The following KIAA0040 variants were observed in gnomAD, a reference collection of about 807,000 sequenced individuals.
KIAA0040 encodes uncharacterized protein KIAA0040.
Under a neutral mutation model 7.2 loss-of-function variants are expected in KIAA0040, and 10 were observed. The observed-to-expected ratio is 1.38, with a 90% CI of 0.85 to 2.34. The LOEUF is 2.34. KIAA0040 is among the 30% of genes most tolerant of loss of function. The probability of loss-of-function intolerance (pLI) is 0.00; values close to 1 mark genes in which losing one functional copy is unlikely to be tolerated. For missense variants in KIAA0040, 89 were observed against 108.2 expected (o/e 0.82, Z 0.79); for synonymous variants, 49 against 40.1 (o/e 1.22, Z -0.84).
chr1:175,173,190 T>C (rs1677053889), intron 2 of KIAA0040, among the ~76,000 whole-genome samples: 2 of 152,190 alleles, frequency 1.3e-5, no homozygotes. Context: ...TCCATCACTA[T>C]CAATTTTCTC....
intron 2 of KIAA0040, chr1:175,176,591 T>G (rs1283422091): frequency 1.3e-5 from 2 of 150,294 alleles, no homozygotes; most frequent in Non-Finnish European, 2.9e-5. Context: ...TAAATAATGG[T>G]TGATGAATGC....
chr1:175,183,725 C>A (rs1003141290), intron 1 of KIAA0040, among the ~76,000 whole-genome samples: 1 of 152,204 alleles, frequency 6.6e-6, no homozygotes, highest in African/African-American at 2.4e-5. Context: ...GAAGAGATGG[C>A]CGCACTAGCG....
chr1:175,160,678 A>C lies in KIAA0040; in HGVS notation c.*36T>G, dbSNP rs1676492037. On this transcript the variant is annotated 3_prime_UTR_variant, in exon 4 of 4. Coordinates refer to ENST00000423313, the MANE Select transcript of KIAA0040 (RefSeq NM_014656.3). Reference sequence around the variant, plus strand: ...TCTGTGTGTGGTCAGAAGGAGGCTTAGCCCCAGAAAGGAAACACCTCTGCT... The same window carrying C: ...TCTGTGTGTGGTCAGAAGGAGGCTTCGCCCCAGAAAGGAAACACCTCTGCT... The C allele has an allele frequency of 6.6e-7, 1 of 1,510,946 alleles. No homozygotes were observed. The allele number at this position is 1,510,946 out of a possible 1,614,324, so 93.6% of individuals were successfully genotyped here.
At position 175,166,651 on chromosome 1, in the gene KIAA0040, GA is replaced by G; in HGVS notation, c.-224del. 1 of 152,342 alleles carries G rather than the reference GA, an allele frequency of 6.6e-6. No homozygotes were observed. The highest frequency in any genetic ancestry group is 1.9e-4 in the East Asian group (1 of 5,182). 9.4% of individuals were successfully genotyped at this position (152,342 alleles called of 1,614,324 possible). On this transcript the variant is annotated 5_prime_UTR_variant, in exon 3 of 4. It removes the in-frame stop codon of an upstream open reading frame in the 5' UTR. Transcript: ENST00000423313. Reference sequence around the variant, plus strand: ...TTGCGTTGTCAGGGGATCTCGGCCAGAACTGCTTTCCTGGAGGTCACGTTCA... The same window carrying G: ...TTGCGTTGTCAGGGGATCTCGGCCAGACTGCTTTCCTGGAGGTCACGTTCA...
chr1:175,190,529 C>T (rs1268383021), intron 1 of KIAA0040, among the ~76,000 whole-genome samples: 1 of 152,204 alleles, frequency 6.6e-6, no homozygotes. Context: ...CTCTAGCTTA[C>T]ATGATTTTTA....
chr1:175,188,869 C>T (rs900295891), intron 1 of KIAA0040, among the ~76,000 whole-genome samples: 1 of 152,162 alleles, frequency 6.6e-6, no homozygotes, highest in Non-Finnish European at 1.5e-5. Context: ...ATTTTCATTT[C>T]ACCTTTCCAC....
intron 2 of KIAA0040, among the ~76,000 whole-genome samples, chr1:175,175,154 G>A (rs1409692273): frequency 6.6e-5 from 10 of 152,196 alleles, no homozygotes; most frequent in Non-Finnish European, 1.5e-5. Flanking sequence ...TCCTCTTGGA[G>A]GGAAAAAATG....
At chr1:175,186,409 C>A (rs1040879184) in intron 1 of KIAA0040, among the ~76,000 whole-genome samples, 8 of 152,218 alleles carry the variant, frequency 5.3e-5, no homozygotes, top group Non-Finnish European at 1.2e-4. Flanking sequence ...TCCCCTTTTA[C>A]CCTCAGGCCC....
intron 2 of KIAA0040, among the ~76,000 whole-genome samples, chr1:175,175,156 G>GAA (rs1677136323): frequency 6.6e-6 from 1 of 152,168 alleles, no homozygotes; most frequent in African/African-American, 2.4e-5. Context: ...CTCTTGGAGG[G>GAA]AAAAAATGTT....
intron 1 of KIAA0040, among the ~76,000 whole-genome samples, chr1:175,189,847 T>TGAGAGA (rs3028599): frequency 0.49 from 73,997 of 151,726 alleles, 18,534 homozygotes; most frequent in Non-Finnish European, 0.56. Flanking sequence ...GAAATGAAGC[T>TGAGAGA]TTCAAGAACT....
chr1:175,165,246 C>T (rs894139343), intron 3 of KIAA0040, among the ~76,000 whole-genome samples: 7 of 152,146 alleles, frequency 4.6e-5, no homozygotes, highest in African/African-American at 1.7e-4. Context: ...GGTTTTGAGC[C>T]TTGGGTCAAC....
At chr1:175,189,036 T>C (rs1677772098) in intron 1 of KIAA0040, among the ~76,000 whole-genome samples, 2 of 152,178 alleles carry the variant, frequency 1.3e-5, no homozygotes, top group South Asian at 4.1e-4. Context: ...TTCCCCTCCC[T>C]GAACTGTAGT....
In KIAA0040 at chr1:175,160,679, G is replaced by A; in HGVS notation, c.*35C>T. ...CTGTGTGTGGTCAGAAGGAGGCTTA[G>A]CCCCAGAAAGGAAACACCTCTGCTT... On this transcript the variant is annotated 3_prime_UTR_variant, in exon 4 of 4. Transcript: ENST00000423313. The A allele has an allele frequency of 4.6e-6, 7 of 1,512,438 alleles. No individual in the cohort carries two copies. The highest frequency in any genetic ancestry group is 6.2e-6 in the Non-Finnish European group (7 of 1,130,550). 93.7% of individuals were successfully genotyped at this position (1,512,438 alleles called of 1,614,324 possible).
At chr1:175,187,276 G>C (rs1032880388) in intron 1 of KIAA0040, among the ~76,000 whole-genome samples, 1 of 152,120 alleles carries the variant, frequency 6.6e-6, no homozygotes, top group African/African-American at 2.4e-5. Flanking sequence ...AAAATCTGTG[G>C]GAGCCAAGAA....
At chr1:175,189,424 C>T (rs1295634447) in intron 1 of KIAA0040, among the ~76,000 whole-genome samples, 2 of 152,220 alleles carry the variant, frequency 1.3e-5, no homozygotes, top group African/African-American at 2.4e-5. Flanking sequence ...TTGGTGCTTT[C>T]AGCTCCAAAG....
intron 1 of KIAA0040, among the ~76,000 whole-genome samples, chr1:175,178,172 T>G (rs562398765): frequency 4.6e-5 from 7 of 152,226 alleles, no homozygotes; most frequent in African/African-American, 1.7e-4. Flanking sequence ...GCTGGGTAAC[T>G]TGAATCCTCC....
chr1:175,182,101 T>C (rs542176816), intron 1 of KIAA0040, among the ~76,000 whole-genome samples: 2 of 152,316 alleles, frequency 1.3e-5, no homozygotes, highest in South Asian at 2.1e-4. Context: ...TCTCCCTCCA[T>C]ACATCATAAC....
intron 3 of KIAA0040, among the ~76,000 whole-genome samples, chr1:175,165,355 T>G (rs900360785): frequency 1.3e-5 from 2 of 152,210 alleles, no homozygotes; most frequent in Non-Finnish European, 2.9e-5. Flanking sequence ...ATTCAATATA[T>G]TTAATGCATT....
chr1:175,190,882 G>A (rs1268478614), intron 1 of KIAA0040, among the ~76,000 whole-genome samples: 2 of 152,094 alleles, frequency 1.3e-5, no homozygotes, highest in African/African-American at 4.8e-5. Flanking sequence ...CCTATTACAC[G>A]CTATTCCCTA....
Sources: allele counts gnomAD v4.1 joint callset (sites outside exome capture counted in the v4.1 genomes callset), GRCh38; gene constraint gnomAD v4.1.1; transcripts MANE v1.5; gene names NCBI Gene and HGNC (gene_info 2026-07-23, HGNC 2026-07-21).